Variants in LRRC27 observed in about 807,000 individuals in gnomAD.
LRRC27 encodes leucine-rich repeat-containing protein 27.
In LRRC27, 57 loss-of-function variants were observed where a neutral mutation model predicts 55.0. That is an observed-to-expected ratio of 1.04 (90% confidence interval 0.84 to 1.29). The LOEUF is 1.29. LRRC27 is among the 50% of genes most tolerant of loss of function. The pLI is 0.00. For synonymous variants in LRRC27, 278 were observed against 251.9 expected (o/e 1.10, Z -0.98); for missense variants, 721 against 651.5 (o/e 1.11, Z -1.16).
upstream of LRRC27, chr10:132,331,916 A>ACC (rs56274613): frequency 1.3e-5 from 8 of 617,130 alleles, no homozygotes; most frequent in East Asian, 2.1e-4. Flanking sequence ...GCGCACCACA[A>ACC]CCCCCCCACC....
At chr10:132,338,613 C>T (rs11146337) in intron 3 of LRRC27, among the ~76,000 whole-genome samples, 7,030 of 152,252 alleles carry the variant, frequency 0.046, 256 homozygotes, top group Middle Eastern at 0.068. Context: ...GTCCTCCTTT[C>T]CTGAGCTCTC....
At chr10:132,361,428 C>T in intron 8 of LRRC27, 29 bp from the exon 9 acceptor site, 5 of 1,535,942 alleles carry the variant, frequency 3.3e-6, no homozygotes, top group Non-Finnish European at 4.5e-6. Flanking sequence ...TACTGGGATT[C>T]CAGAAATCAT....
Position 132,380,458 on chromosome 10 carries a change from G to A in LRRC27, c.*5216G>A, listed in dbSNP as rs571334035. Among the ~76,000 whole-genome samples the A allele has an allele frequency of 1.2e-4, 19 of 152,246 alleles. No homozygotes were observed. Among genetic ancestry groups the A allele is most frequent in the South Asian group, 6.2e-4 (3 of 4,826 alleles). ...CATCGTGTGGTGCTAATCTCTGCAC[G>A]AGCGGTTCATGTCTTCAGTACATTG... On this transcript the variant is annotated 3_prime_UTR_variant, in exon 11 of 11. Coordinates refer to ENST00000368614, the MANE Select transcript of LRRC27 (RefSeq NM_030626.3).
Position 132,374,359 on chromosome 10 carries a change from C to T in LRRC27, c.1417-707C>T, listed in dbSNP as rs2069296469. ...AGCCGGGTGGCCCAGGGCTCCTGTGCTTGGAGTGGGGGAGGTTGGGACTCT... is the reference window on the plus strand; with the variant it reads ...AGCCGGGTGGCCCAGGGCTCCTGTGTTTGGAGTGGGGGAGGTTGGGACTCT... On this transcript the variant is annotated intron_variant, in intron 10 of 10. Coordinates refer to ENST00000368614, the MANE Select transcript of LRRC27 (RefSeq NM_030626.3). This position sits in a 1 kb window ranked among gnomAD's most constrained non-coding sequence, Gnocchi z 4.4. 6.6e-6 allele frequency among the ~76,000 whole-genome samples: 1 copy of T among 152,110 alleles called. No homozygotes were observed. The highest frequency in any genetic ancestry group is 1.5e-5 in the Non-Finnish European group (1 of 67,996).
chr10:132,364,519 G>C (rs61864519), intron 9 of LRRC27, among the ~76,000 whole-genome samples: 1 of 7,772 alleles, frequency 1.3e-4, no homozygotes, highest in African/African-American at 5.9e-4. Flanking sequence ...CTCCACACTC[G>C]CACTTACACC....
rs1162844288 is a variant in LRRC27, at chr10:132,374,166, A to G, written c.1417-900A>G. 1.0e-4 allele frequency among the ~76,000 whole-genome samples: 11 copies of G among 110,096 alleles called. No individual in the cohort carries two copies. In the East Asian group the frequency reaches 2.1e-3, roughly 21 times the overall value. 72.2% of individuals were successfully genotyped at this position (110,096 alleles called of 152,430 possible). On this transcript the variant is annotated intron_variant, in intron 10 of 10. Transcript: ENST00000368614. The surrounding 1 kb of genome is among the most constrained non-coding windows in gnomAD (Gnocchi z 4.4). Reference sequence around the variant, plus strand: ...CATGGTGAGGGGGTGCAGTGGCTCCAGGGACCTGCTGTGATATGGCTGCAT... The same window carrying G: ...CATGGTGAGGGGGTGCAGTGGCTCCGGGGACCTGCTGTGATATGGCTGCAT...
At chr10:132,346,543 G>A (rs1052979574) in intron 5 of LRRC27, among the ~76,000 whole-genome samples, 15 of 152,290 alleles carry the variant, frequency 9.8e-5, no homozygotes, top group Non-Finnish European at 1.6e-4. Context: ...GGGCGTGGTC[G>A]TGGGCACCTG....
In LRRC27 at chr10:132,372,459, G is replaced by A. The variant is rs1030822367; in HGVS notation, c.1417-2607G>A. ...GGTGTGCACCTGTAATCCCAGCTACGCAGGAGACAAAGGCCGGAGAATCGC... is the reference window on the plus strand; with the variant it reads ...GGTGTGCACCTGTAATCCCAGCTACACAGGAGACAAAGGCCGGAGAATCGC... On this transcript the variant is annotated intron_variant, in intron 10 of 10. Transcript: ENST00000368614. This position sits in a 1 kb window ranked among gnomAD's most constrained non-coding sequence, Gnocchi z 4.0. Among the ~76,000 whole-genome samples the A allele has an allele frequency of 6.6e-6, 1 of 152,176 alleles. No individual in the cohort carries two copies.
chr10:132,364,378 C>CTT lies in LRRC27; in HGVS notation c.1290-1046_1290-1045insTT, dbSNP rs1204870453. Among the ~76,000 whole-genome samples, 124 of 124,726 alleles carry CTT rather than the reference C, an allele frequency of 9.9e-4. 9 individuals carry two copies. Among genetic ancestry groups the CTT allele is most frequent in the East Asian group, 4.5e-3 (17 of 3,782 alleles). 81.8% of individuals were successfully genotyped at this position (124,726 alleles called of 152,430 possible). A position where few individuals can be genotyped will look rare whatever the true frequency, so the allele number is the denominator to read the frequency against. On this transcript the variant is annotated intron_variant, in intron 9 of 10. Transcript: ENST00000368614. ...CTCCACACCCGCGCTTACACCCACC[C>CTT]ACACTTACACCCACCCTTACATCTA...
intron 8 of LRRC27, among the ~76,000 whole-genome samples, chr10:132,360,729 A>G (rs1373766155): frequency 1.3e-5 from 2 of 152,236 alleles, no homozygotes; most frequent in South Asian, 4.1e-4. Context: ...ACGTCATCTC[A>G]GTAAATGCTA....
intron 7 of LRRC27, chr10:132,352,950 T>C (rs2068129757): frequency 6.2e-7 from 1 of 1,613,822 alleles, no homozygotes; most frequent in Non-Finnish European, 8.5e-7. Context: ...TTCATTCTTG[T>C]GTTGCTGTGA....
intron 10 of LRRC27, among the ~76,000 whole-genome samples, chr10:132,366,022 G>A (rs1467729230): frequency 1.3e-5 from 2 of 152,276 alleles, no homozygotes; most frequent in Non-Finnish European, 1.5e-5. Flanking sequence ...CACATGAGAA[G>A]GAAAACATTT....
chr10:132,361,183 A>G (rs573610415), intron 8 of LRRC27, among the ~76,000 whole-genome samples: 24 of 152,108 alleles, frequency 1.6e-4, no homozygotes, highest in African/African-American at 5.3e-4. Context: ...CTTCCGAGCT[A>G]CCCCAGGGTC....
At chr10:132,337,460 C>T (rs984324070) in intron 2 of LRRC27, 105 bp from the exon 3 acceptor site, 20 of 1,504,830 alleles carry the variant, frequency 1.3e-5, no homozygotes, top group Admixed American at 4.4e-5. Flanking sequence ...TTAGTATATA[C>T]GGTTCTGGTT....
At chr10:132,331,551 G>A (rs1392070419), upstream of LRRC27, 1 of 1,612,836 alleles carries the variant, frequency 6.2e-7, no homozygotes, top group African/African-American at 1.3e-5. Context: ...TTGGGGACAA[G>A]CAGCTCCTGT....
chr10:132,349,058 G>A (rs2067870309), intron 6 of LRRC27: 5 of 1,600,244 alleles, frequency 3.1e-6, no homozygotes, highest in South Asian at 2.2e-5. Context: ...CATATGGGAG[G>A]TATGTATCTG....
At chr10:132,335,448 C>T (rs2067072434) in intron 2 of LRRC27, among the ~76,000 whole-genome samples, 1 of 151,672 alleles carries the variant, frequency 6.6e-6, no homozygotes. Flanking sequence ...CAGGTTCCTC[C>T]CCCAGATCCT....
intron 7 of LRRC27, among the ~76,000 whole-genome samples, chr10:132,352,048 T>A (rs1309241913): frequency 3.6e-5 from 3 of 84,402 alleles, no homozygotes; most frequent in Non-Finnish European, 4.6e-5. Context: ...GGGCAGGCGC[T>A]GAGGCCTCCG....
At chr10:132,369,016 G>C (rs1405171101) in intron 10 of LRRC27, among the ~76,000 whole-genome samples, 1 of 152,202 alleles carries the variant, frequency 6.6e-6, no homozygotes, top group Non-Finnish European at 1.5e-5. Flanking sequence ...CATCAAAGAA[G>C]ATGCATGGAT....
Sources: gnomAD v4.1 joint callset for allele counts (sites outside exome capture counted in the v4.1 genomes callset) on GRCh38, gnomAD v4.1.1 for gene constraint, Gnocchi (gnomAD v3.1) non-coding constraint, MANE v1.5 for transcripts, NCBI Gene and HGNC (gene_info 2026-07-23, HGNC 2026-07-21) for gene names.